NEMP1: variants seen among roughly 807,000 people sequenced by gnomAD.
NEMP1 encodes the protein nuclear envelope integral membrane protein 1.
NEMP1 carries 29 observed loss-of-function variants against 53.7 expected under a neutral mutation model. That is an observed-to-expected ratio of 0.54 (90% confidence interval 0.40 to 0.74). NEMP1 has a LOEUF of 0.74. Among genes scored for constraint, NEMP1 ranks in the 30% least tolerant of loss-of-function variants. The pLI is 0.00. For synonymous variants in NEMP1, 193 were observed against 192.9 expected, an observed-to-expected ratio of 1.00 and a Z score of 0.00; for missense variants, 477 against 528.6, an observed-to-expected ratio of 0.90 and a Z score of 0.96.
chr12:57,063,031 C>T, intron 7 of NEMP1, 88 bp downstream of exon 7: 4 of 983,632 alleles, frequency 4.1e-6, no homozygotes, highest in Non-Finnish European at 6.3e-6. Flanking sequence ...AACAAAGAAG[C>T]TCCCAGGTCA....
intron 7 of NEMP1, among the ~76,000 whole-genome samples, 166 bp from the exon 8 acceptor site, chr12:57,061,111 C>T (rs1340762978): frequency 6.6e-6 from 1 of 152,016 alleles, no homozygotes; most frequent in Non-Finnish European, 1.5e-5. Flanking sequence ...ACTCCTGATA[C>T]ATTAGACTAT....
Position 57,078,691 on chromosome 12 carries a change from CCCAGGGCCCGGG to C in NEMP1, c.43_54del (p.Pro15_Trp18del). 1.2e-6 allele frequency: 2 copies of C among 1,613,634 alleles called. No homozygotes were observed. The highest frequency in any genetic ancestry group is 1.7e-6 in the Non-Finnish European group (2 of 1,179,786). The stretch of plus-strand genomic sequence containing the variant: ...GTCCCACCGCCCCCGACTCCCGAGC[CCCAGGGCCCGGG>C]ACCAACTGCCGGCGAGACCGCCACT... On this transcript the variant is annotated inframe_deletion, in exon 1 of 9. Coordinates refer to ENST00000300128, the MANE Select transcript of NEMP1 (RefSeq NM_001130963.2).
intron 1 of NEMP1, 152 bp downstream of exon 1, chr12:57,078,467 C>G: frequency 8.7e-7 from 1 of 1,144,068 alleles, no homozygotes; most frequent in Non-Finnish European, 1.2e-6. Context: ...GCCCACTAGC[C>G]TGCCAAGTTT....
At chr12:57,077,932 A>G (rs897689254) in intron 1 of NEMP1, among the ~76,000 whole-genome samples, 1 of 151,968 alleles carries the variant, frequency 6.6e-6, no homozygotes, top group African/African-American at 2.4e-5. Flanking sequence ...AAATACAAAA[A>G]TTAGCCGGGC....
At chr12:57,067,191 G>A (rs942106278) in intron 4 of NEMP1, among the ~76,000 whole-genome samples, 1 of 152,096 alleles carries the variant, frequency 6.6e-6, no homozygotes, top group Non-Finnish European at 1.5e-5. Context: ...GCACGTGGTG[G>A]CAGGTGCCTG....
At chr12:57,080,475 A>C (rs2032813454), upstream of NEMP1, among the ~76,000 whole-genome samples, 1 of 151,900 alleles carries the variant, frequency 6.6e-6, no homozygotes, top group East Asian at 1.9e-4. Flanking sequence ...GCTACTCAGG[A>C]GGCTGAGGCA....
intron 2 of NEMP1, among the ~76,000 whole-genome samples, chr12:57,072,127 G>A (rs777110358): frequency 1.1e-4 from 17 of 152,136 alleles, no homozygotes; most frequent in Non-Finnish European, 2.2e-4. Flanking sequence ...GCCCAAAGAA[G>A]GCATAAGGCC....
intron 5 of NEMP1, 51 bp from the exon 6 acceptor site, chr12:57,064,236 A>G: frequency 8.2e-7 from 1 of 1,217,876 alleles, no homozygotes; most frequent in South Asian, 1.4e-5. Flanking sequence ...GGCTTTCCAT[A>G]CATAAAAGAA....
chr12:57,078,000 T>C (rs2032713783), intron 1 of NEMP1, among the ~76,000 whole-genome samples: 1 of 152,112 alleles, frequency 6.6e-6, no homozygotes, highest in African/African-American at 2.4e-5. Flanking sequence ...GAGAATTGCT[T>C]GAACCCAGGA....
chr12:57,059,891 G>C lies in NEMP1; in HGVS notation c.1323C>G (p.Asn441Lys). 3.1e-6 allele frequency: 5 copies of C among 1,613,590 alleles called. No individual in the cohort carries two copies. The highest frequency in any genetic ancestry group is 4.2e-6 in the Non-Finnish European group (5 of 1,179,824). Residue 441 changes from asparagine to lysine, a missense_variant, in exon 9 of 9, where the codon AAC becomes AAG. Transcript: ENST00000300128. ...YSRCPAITQN[N>K]FLT The stretch of plus-strand genomic sequence containing the variant: ...AACTGACCACTACCTAGGTTAGAAA[G>C]TTGTTCTGTGTGATAGCAGGACACC...
chr12:57,087,782 G>A (rs1416903182), intron 1 of NEMP1, among the ~76,000 whole-genome samples: 1 of 152,068 alleles, frequency 6.6e-6, no homozygotes, highest in Non-Finnish European at 1.5e-5. Context: ...AGGCGGGGCG[G>A]GGCTGAGATT....
At chr12:57,066,780 T>C (rs1271395684) in intron 4 of NEMP1, among the ~76,000 whole-genome samples, 2 of 150,070 alleles carry the variant, frequency 1.3e-5, no homozygotes, top group African/African-American at 5.1e-5. Context: ...TGGGAGATAA[T>C]TGAATCATGG....
intron 7 of NEMP1, among the ~76,000 whole-genome samples, chr12:57,061,711 A>T (rs2031817592): frequency 7.2e-6 from 1 of 138,584 alleles, no homozygotes; most frequent in Non-Finnish European, 1.5e-5. Flanking sequence ...AAAAAAAACA[A>T]AAAAAAACGC....
chr12:57,073,805 T>C (rs1034581144), intron 1 of NEMP1, among the ~76,000 whole-genome samples: 1 of 152,090 alleles, frequency 6.6e-6, no homozygotes, highest in African/African-American at 2.4e-5. Flanking sequence ...ATCACACAAA[T>C]AGTAAATAGC....
intron 1 of NEMP1, among the ~76,000 whole-genome samples, chr12:57,076,725 A>G (rs1156391701): frequency 2.6e-5 from 4 of 151,136 alleles, no homozygotes; most frequent in South Asian, 2.1e-4. Context: ...AAGTGCTTGA[A>G]CTCTGGAGGC....
At chr12:57,072,946 TA>T (rs2032420858) in intron 1 of NEMP1, 34 bp from the exon 2 acceptor site, 1 of 1,579,792 alleles carries the variant, frequency 6.3e-7, no homozygotes, top group African/African-American at 1.4e-5. Context: ...GAATTAAACA[TA>T]ACAAGCTAAT....
chr12:57,070,930 A>G (rs1253191594), intron 2 of NEMP1, 37 bp from the exon 3 acceptor site: 1 of 1,533,220 alleles, frequency 6.5e-7, no homozygotes, highest in African/African-American at 1.4e-5. Context: ...GAAAAAAGGA[A>G]GTAGGAATTT....
At position 57,084,771 on chromosome 12, in the gene NEMP1, T is replaced by A. The variant is rs114431376; in HGVS notation, n.113+3180A>T. Among the ~76,000 whole-genome samples, 676 of 152,332 alleles carry A rather than the reference T, an allele frequency of 4.4e-3. 6 individuals carry two copies. Among genetic ancestry groups the A allele is most frequent in the African/African-American group, 0.016 (650 of 41,566 alleles). ...TTATTCAATGTTTGTCACCAATCTGTAATGAAACAATTTCAGAAATTAAGT... is the reference window on the plus strand; with the variant it reads ...TTATTCAATGTTTGTCACCAATCTGAAATGAAACAATTTCAGAAATTAAGT... On this transcript the variant is annotated intron_variant and non_coding_transcript_variant, in intron 1 of 2. Coordinates refer to the NEMP1 transcript ENST00000553654.
intron 1 of NEMP1, 152 bp downstream of exon 1, chr12:57,078,467 C>T (rs553007931): frequency 1.7e-6 from 2 of 1,144,068 alleles, no homozygotes; most frequent in Admixed American, 2.5e-5. Flanking sequence ...GCCCACTAGC[C>T]TGCCAAGTTT....
Sources: allele counts gnomAD v4.1 joint callset (sites outside exome capture counted in the v4.1 genomes callset), GRCh38; gene constraint gnomAD v4.1.1; transcripts MANE v1.5; gene names NCBI Gene and HGNC (gene_info 2026-07-23, HGNC 2026-07-21).